The following NACC2 variants were observed in gnomAD, a reference collection of about 807,000 sequenced individuals.
NACC2 encodes NACC family member 2, also known as nucleus accumbens-associated protein 2.
In NACC2, 8 loss-of-function variants were observed where a neutral mutation model predicts 25.1. That is an observed-to-expected ratio of 0.32 (90% CI 0.19 to 0.57). The LOEUF (loss-of-function observed/expected upper bound fraction) is 0.57, where lower values mean the gene tolerates loss of function less well. Among genes scored for constraint, NACC2 ranks in the 20% least tolerant of loss-of-function variants. The probability of loss-of-function intolerance (pLI) is 0.89; values close to 1 mark genes in which losing one functional copy is unlikely to be tolerated. For missense variants in NACC2, 644 were observed against 650.2 expected, an observed-to-expected ratio of 0.99 and a Z score of 0.10; for synonymous variants, 435 against 294.7, an observed-to-expected ratio of 1.48 and a Z score of -4.88.
At chr9:136,056,054 T>C (rs1351303374) in intron 1 of NACC2, among the ~76,000 whole-genome samples, 1 of 151,978 alleles carries the variant, frequency 6.6e-6, no homozygotes, top group East Asian at 2.0e-4. Flanking sequence ...CCAGGAGGAT[T>C]TGCTTTGACC....
intron 1 of NACC2, among the ~76,000 whole-genome samples, chr9:136,090,281 G>A (rs1830421577): frequency 6.6e-6 from 1 of 152,172 alleles, no homozygotes; most frequent in Non-Finnish European, 1.5e-5. Context: ...AGGAAGATGT[G>A]GGACAACTTC....
intron 2 of NACC2, among the ~76,000 whole-genome samples, chr9:136,038,538 T>C (rs1274953187): frequency 6.6e-6 from 1 of 152,210 alleles, no homozygotes; most frequent in Admixed American, 6.5e-5. Context: ...AGATTATGTC[T>C]CAAAAAGTAA....
rs372536167 is a variant in NACC2 at position 136,011,715 on chromosome 9, G to A, written c.1565C>T (p.Ala522Val). The change falls in exon 6 of 6, where the codon GCC (alanine) becomes GTC (valine). Residue 522 changes from alanine (A) to valine (V), a missense_variant. Transcript: ENST00000277554. The stretch of plus-strand genomic sequence containing the variant: ...CTCGCCGGCGTCGAAGGCGGGGTTG[G>A]CGGCGGCACTCAGGTCAACATTCAC... ...DAVNVDLSAA[A>V]NPAFDAGEEV... 1.9e-5 allele frequency: 28 copies of A among 1,513,448 alleles called. No homozygotes were observed. Among genetic ancestry groups the A allele is most frequent in the Non-Finnish European group, 2.4e-5 (27 of 1,132,276 alleles). 93.8% of individuals were successfully genotyped at this position (1,513,448 alleles called of 1,614,324 possible). A position where few individuals can be genotyped will look rare whatever the true frequency, so the allele number is the denominator to read the frequency against.
At chr9:136,062,253 T>A (rs1477895737) in intron 1 of NACC2, among the ~76,000 whole-genome samples, 2 of 151,972 alleles carry the variant, frequency 1.3e-5, no homozygotes, top group Non-Finnish European at 2.9e-5. Flanking sequence ...CTGCAAATAC[T>A]TCCCCCCAAC....
intron 2 of NACC2, among the ~76,000 whole-genome samples, chr9:136,017,114 G>A (rs766404531): frequency 2.6e-4 from 39 of 152,102 alleles, no homozygotes; most frequent in Non-Finnish European, 5.3e-4. Context: ...CAGGCTGGCC[G>A]ACACGCCACC....
Position 136,019,567 on chromosome 9 carries a change from A to G in NACC2, c.887-3138T>C, listed in dbSNP as rs986828258. 6.6e-6 allele frequency: 1 copy of G among 152,244 alleles called. No homozygotes were observed. The highest frequency in any genetic ancestry group is 6.5e-5 in the Admixed American group (1 of 15,276). 9.4% of individuals were successfully genotyped at this position (152,244 alleles called of 1,614,324 possible). A position where few individuals can be genotyped will look rare whatever the true frequency, so the allele number is the denominator to read the frequency against. The stretch of plus-strand genomic sequence containing the variant: ...ATGGTGACATCTGGGAACAGCTCAT[A>G]AAGAGCAATGAGCTAACTGCATGGA... On this transcript the variant is annotated intron_variant, in intron 2 of 5. Transcript: ENST00000277554. This position sits in a 1 kb window ranked among gnomAD's most constrained non-coding sequence, Gnocchi z 5.2.
At chr9:136,016,824 G>A (rs989626046) in intron 2 of NACC2, among the ~76,000 whole-genome samples, 5 of 152,164 alleles carry the variant, frequency 3.3e-5, no homozygotes, top group African/African-American at 1.2e-4. Context: ...AGAGTACGGC[G>A]CAAGACAGGA....
At chr9:136,058,906 C>T (rs1840969247) in intron 1 of NACC2, among the ~76,000 whole-genome samples, 1 of 152,176 alleles carries the variant, frequency 6.6e-6, no homozygotes, top group South Asian at 2.1e-4. Flanking sequence ...CTCCTGACCG[C>T]CACCCCACCC....
rs187206507 is a variant in NACC2, at chr9:136,083,361, G to C, written c.-60+11828C>G. 9.5e-3 allele frequency among the ~76,000 whole-genome samples: 1,443 copies of C among 152,314 alleles called. 19 individuals carry two copies. Among genetic ancestry groups the C allele is most frequent in the African/African-American group, 0.032 (1,343 of 41,562 alleles). ...TCCCTTCCTTCCCAGGCTGGGTTGG[G>C]GGGGAGGCAGCCACAGAGAAGAGGG... On this transcript the variant is annotated intron_variant, in intron 1 of 5. Transcript: ENST00000277554.
rs372021525 is a variant in NACC2 at position 136,022,271 on chromosome 9, C to T, written c.887-5842G>A. On this transcript the variant is annotated intron_variant, in intron 2 of 5. Transcript: ENST00000277554. The surrounding 1 kb of genome is among the most constrained non-coding windows in gnomAD (Gnocchi z 4.4). ...TGACCAGGCCCGGGTGATGAGGTAA[C>T]GGGTGCCCCACATGCAGTGGGCCTC... 1.2e-4 allele frequency among the ~76,000 whole-genome samples: 19 copies of T among 152,312 alleles called. No homozygotes were observed. Among genetic ancestry groups the T allele is most frequent in the East Asian group, 3.9e-4 (2 of 5,182 alleles).
intron 1 of NACC2, among the ~76,000 whole-genome samples, chr9:136,078,476 C>G (rs2131183625): frequency 6.6e-6 from 1 of 152,300 alleles, no homozygotes; most frequent in African/African-American, 2.4e-5. Context: ...AAAGTAAGCG[C>G]AGGAGAAATA....
chr9:136,064,140 T>A (rs1051715161), intron 1 of NACC2, among the ~76,000 whole-genome samples: 1 of 151,828 alleles, frequency 6.6e-6, no homozygotes, highest in Non-Finnish European at 1.5e-5. Context: ...AATTCAAACA[T>A]GAGCTGGGCG....
At chr9:136,070,984 C>T (rs1358802106) in intron 1 of NACC2, among the ~76,000 whole-genome samples, 1 of 151,712 alleles carries the variant, frequency 6.6e-6, no homozygotes, top group Non-Finnish European at 1.5e-5. Flanking sequence ...AATCCCAGCA[C>T]TTTGGGAGGC....
intron 1 of NACC2, among the ~76,000 whole-genome samples, chr9:136,077,248 T>C (rs539350773): frequency 6.6e-6 from 1 of 151,812 alleles, no homozygotes; most frequent in East Asian, 1.9e-4. Flanking sequence ...GGAGAATTGC[T>C]TGAACCCGGA....
intron 1 of NACC2, among the ~76,000 whole-genome samples, chr9:136,094,264 G>A (rs1830463717): frequency 6.6e-6 from 1 of 152,186 alleles, no homozygotes; most frequent in South Asian, 2.1e-4. Flanking sequence ...GGGAGGGAGT[G>A]GAACGGCCTG....
At chr9:136,046,602 G>T (rs1224247468) in intron 2 of NACC2, among the ~76,000 whole-genome samples, 1 of 152,346 alleles carries the variant, frequency 6.6e-6, no homozygotes, top group South Asian at 2.1e-4. Context: ...CTGCGGGTGG[G>T]GGGGCTTGAA....
intron 2 of NACC2, among the ~76,000 whole-genome samples, chr9:136,025,372 A>T (rs1376790235): frequency 6.6e-6 from 1 of 152,202 alleles, no homozygotes; most frequent in Non-Finnish European, 1.5e-5. Context: ...AGAAAACAGA[A>T]CCAAATGATA....
In NACC2 at chr9:136,016,393, C is replaced by T. The variant is rs1840204300; in HGVS notation, c.923G>A (p.Arg308His). ...EKPEPVPLES[R>H]SCVLIRRDLV... ...GTCGCGGCGGATGAGGACGCAGGAG[C>T]GGCTCTCCAGCGGCACTGGCTCAGG... Residue 308 changes from arginine to histidine, a missense_variant, in exon 3 of 6, where the codon CGC becomes CAC. Arg to His is a conservative substitution (Grantham distance 29, BLOSUM62 0). Transcript: ENST00000277554. 2.5e-6 allele frequency: 4 copies of T among 1,611,260 alleles called. No homozygotes were observed. Among genetic ancestry groups the T allele is most frequent in the African/African-American group, 1.3e-5 (1 of 74,992 alleles).
chr9:136,072,325 C>T lies in NACC2; in HGVS notation c.-59-21745G>A, dbSNP rs548808997. 3.9e-4 allele frequency among the ~76,000 whole-genome samples: 59 copies of T among 152,022 alleles called. 1 individual carries two copies. The highest frequency in any genetic ancestry group is 1.4e-3 in the African/African-American group (58 of 41,468). On this transcript the variant is annotated intron_variant, in intron 1 of 5. Transcript: ENST00000277554. ...CATTGGGAGGCCACGGTGAGCAGATCACTTGAGGCCAGGAGTTTGAGATCA... is the reference window on the plus strand; with the variant it reads ...CATTGGGAGGCCACGGTGAGCAGATTACTTGAGGCCAGGAGTTTGAGATCA...
Sources: gnomAD v4.1 joint callset for allele counts (sites outside exome capture counted in the v4.1 genomes callset) on GRCh38, gnomAD v4.1.1 for gene constraint, Gnocchi (gnomAD v3.1) non-coding constraint, MANE v1.5 for transcripts, NCBI Gene and HGNC (gene_info 2026-07-23, HGNC 2026-07-21) for gene names.